Variants in MELK observed in about 807,000 individuals in gnomAD.
MELK encodes the protein pEg3 kinase.
In MELK, 81 loss-of-function variants were observed where a neutral mutation model predicts 85.0. That is an observed-to-expected ratio of 0.95 (90% CI 0.80 to 1.15). MELK has a LOEUF of 1.15. MELK is among the 50% of genes most tolerant of loss of function. The pLI is 0.00. For synonymous variants in MELK, 252 were observed against 265.0 expected (o/e 0.95, Z 0.48); for missense variants, 754 against 777.5 (o/e 0.97, Z 0.36).
chr9:36,655,343 A>G (rs775997704), intron 12 of MELK, among the ~76,000 whole-genome samples: 8 of 152,150 alleles, frequency 5.3e-5, no homozygotes, highest in Non-Finnish European at 1.2e-4. Flanking sequence ...GTGGCACAAC[A>G]TTCAGGGCAA....
intron 13 of MELK, among the ~76,000 whole-genome samples, chr9:36,661,159 A>G (rs1423396757): frequency 5.3e-5 from 8 of 152,064 alleles, no homozygotes; most frequent in African/African-American, 1.7e-4. Context: ...CTTCATCGTG[A>G]TTGTGGGCTG....
chr9:36,608,277 C>CA (rs1161984583), intron 8 of MELK, among the ~76,000 whole-genome samples: 3,735 of 38,784 alleles, frequency 0.096, 544 homozygotes, highest in Non-Finnish European at 0.15. Context: ...GACTCTGTCT[C>CA]AAAAAAAAAA....
chr9:36,578,990 A>C (rs1018272665), intron 1 of MELK, among the ~76,000 whole-genome samples: 2 of 140,640 alleles, frequency 1.4e-5, no homozygotes, highest in East Asian at 4.2e-4. Flanking sequence ...TTGCAGGCGC[A>C]CACCACAAGG....
intron 1 of MELK, among the ~76,000 whole-genome samples, chr9:36,581,095 A>G (rs1467562199): frequency 6.6e-6 from 1 of 152,048 alleles, no homozygotes; most frequent in Non-Finnish European, 1.5e-5. Context: ...GTCAGAGTTT[A>G]TGTGTTTCCT....
chr9:36,622,054 G>A (rs1289100897), intron 8 of MELK, among the ~76,000 whole-genome samples: 1 of 152,118 alleles, frequency 6.6e-6, no homozygotes, highest in East Asian at 1.9e-4. Context: ...CTTGTTCAGT[G>A]GAGATTTGGC....
chr9:36,609,732 G>A (rs976871021), intron 8 of MELK, among the ~76,000 whole-genome samples: 1 of 152,132 alleles, frequency 6.6e-6, no homozygotes, highest in Non-Finnish European at 1.5e-5. Flanking sequence ...GATTACAGGT[G>A]TGAGCTACTG....
At position 36,657,227 on chromosome 9, in the gene MELK, C is replaced by T; in HGVS notation, c.1054-14C>T. The T allele has an allele frequency of 6.2e-7, 1 of 1,603,508 alleles. No individual in the cohort carries two copies. The highest frequency in any genetic ancestry group is 8.5e-7 in the Non-Finnish European group (1 of 1,176,882). The stretch of plus-strand genomic sequence containing the variant: ...TACTGTCATCTTTAAGTTCTTCTGT[C>T]TTTCATTGAGTAGTCAAATAATTGG... On this transcript the variant is annotated splice_polypyrimidine_tract_variant and intron_variant, in intron 12 of 17. Coordinates refer to ENST00000298048, the MANE Select transcript of MELK (RefSeq NM_014791.4).
At chr9:36,587,148 C>G (rs747590678) in intron 3 of MELK, among the ~76,000 whole-genome samples, 3 of 151,118 alleles carry the variant, frequency 2.0e-5, no homozygotes, top group African/African-American at 7.3e-5. Flanking sequence ...CACGCCTGGC[C>G]GATTACTTCC....
chr9:36,611,890 A>C (rs1826097600), intron 8 of MELK, among the ~76,000 whole-genome samples: 1 of 151,766 alleles, frequency 6.6e-6, no homozygotes, highest in South Asian at 2.1e-4. Context: ...CTTCTGCCTC[A>C]GCCTTCCAAG....
chr9:36,621,761 T>G (rs1564173570), intron 8 of MELK, among the ~76,000 whole-genome samples: 1 of 152,246 alleles, frequency 6.6e-6, no homozygotes, highest in Non-Finnish European at 1.5e-5. Flanking sequence ...CATTTGTTGT[T>G]ACTGCAAGTT....
chr9:36,605,987 A>C (rs1044774910), intron 7 of MELK, among the ~76,000 whole-genome samples: 1 of 151,130 alleles, frequency 6.6e-6, no homozygotes, highest in Non-Finnish European at 1.5e-5. Context: ...TAAGGCTCAA[A>C]TGAGAGTAAG....
At chr9:36,662,779 T>C (rs1173904367) in intron 13 of MELK, among the ~76,000 whole-genome samples, 1 of 152,206 alleles carries the variant, frequency 6.6e-6, no homozygotes, top group Non-Finnish European at 1.5e-5. Context: ...TCTAGTGCCT[T>C]TTTAGTCTGT....
At chr9:36,574,430 CAA>C (rs78915626) in intron 1 of MELK, among the ~76,000 whole-genome samples, 6,660 of 79,908 alleles carry the variant, frequency 0.083, 385 homozygotes, top group African/African-American at 0.2. Context: ...ACTAAAAATA[CAA>C]AAAAAAAAAA....
chr9:36,673,372 G>A (rs1368634161), intron 16 of MELK, among the ~76,000 whole-genome samples: 4 of 152,196 alleles, frequency 2.6e-5, no homozygotes, highest in African/African-American at 9.6e-5. Flanking sequence ...TTTAACAAAT[G>A]GATTTATAGA....
chr9:36,615,309 C>T lies in MELK; in HGVS notation c.666+7636C>T, dbSNP rs1263760865. Among the ~76,000 whole-genome samples the T allele has an allele frequency of 2.6e-4, 34 of 129,220 alleles. 1 individual carries two copies. The highest frequency in any genetic ancestry group is 7.8e-4 in the Admixed American group (11 of 14,074). 84.8% of individuals were successfully genotyped at this position (129,220 alleles called of 152,430 possible). On this transcript the variant is annotated intron_variant, in intron 8 of 17. Coordinates refer to ENST00000298048, the MANE Select transcript of MELK (RefSeq NM_014791.4). The stretch of plus-strand genomic sequence containing the variant: ...CCAGGCGGGGGGCTGATCCCCCCAC[C>T]TCCCTCCCGGATGGGGCGGCTGGCC...
intron 7 of MELK, among the ~76,000 whole-genome samples, chr9:36,600,104 T>G (rs950220624): frequency 1.4e-4 from 22 of 152,036 alleles, no homozygotes; most frequent in Admixed American, 2.6e-4. Flanking sequence ...GTTTTGTTTT[T>G]TTTTTTTGAG....
intron 4 of MELK, 147 bp downstream of exon 4, chr9:36,589,799 G>A (rs1039467616): frequency 3.4e-6 from 2 of 587,506 alleles, no homozygotes; most frequent in Non-Finnish European, 5.9e-6. Flanking sequence ...TTAAATAGAT[G>A]TATATAATAA....
intron 16 of MELK, among the ~76,000 whole-genome samples, chr9:36,671,886 T>C (rs780542588): frequency 1.3e-5 from 2 of 152,194 alleles, no homozygotes; most frequent in Non-Finnish European, 2.9e-5. Context: ...GCCCATTCCT[T>C]GAGGAACTCT....
chr9:36,618,252 T>TA (rs1324623944), intron 8 of MELK, among the ~76,000 whole-genome samples: 2 of 151,700 alleles, frequency 1.3e-5, no homozygotes, highest in Non-Finnish European at 2.9e-5. Flanking sequence ...CTACTAAAAA[T>TA]ACAAGAATTT....
Sources: gnomAD v4.1 joint callset for allele counts (sites outside exome capture counted in the v4.1 genomes callset) on GRCh38, gnomAD v4.1.1 for gene constraint, MANE v1.5 for transcripts, NCBI Gene and HGNC (gene_info 2026-07-23, HGNC 2026-07-21) for gene names.